CSMD1: variants seen among roughly 807,000 people sequenced by gnomAD.
CSMD1 encodes the protein CUB and sushi domain-containing protein 1.
In CSMD1, 213 loss-of-function variants were observed where a neutral mutation model predicts 417.5. That is an observed-to-expected ratio of 0.51 (90% CI 0.46 to 0.57). The LOEUF (loss-of-function observed/expected upper bound fraction) is 0.57. Among genes scored for constraint, CSMD1 ranks in the 20% least tolerant of loss-of-function variants. CSMD1 has a pLI of 0.00. For missense variants in CSMD1, 6,923 were observed against 4,529.7 expected, an observed-to-expected ratio of 1.53 and a Z score of -15.17; for synonymous variants, 2,862 against 1,736.8, an observed-to-expected ratio of 1.65 and a Z score of -16.11.
chr8:4,083,542 T>G (rs958956466), intron 3 of CSMD1, among the ~76,000 whole-genome samples: 1 of 152,126 alleles, frequency 6.6e-6, no homozygotes, highest in Non-Finnish European at 1.5e-5. Context: ...TGCCGCATAT[T>G]TACAACTGTC....
At chr8:3,223,475 C>G (rs988478396) in intron 28 of CSMD1, among the ~76,000 whole-genome samples, 3 of 152,146 alleles carry the variant, frequency 2.0e-5, no homozygotes, top group Admixed American at 6.5e-5. Flanking sequence ...TTTAAGCCTT[C>G]TCATATGGGA....
intron 5 of CSMD1, among the ~76,000 whole-genome samples, chr8:3,939,484 A>T (rs753938006): frequency 6.6e-6 from 1 of 152,218 alleles, no homozygotes; most frequent in Non-Finnish European, 1.5e-5. Context: ...TAGAACTACC[A>T]TGTGATTCAG....
intron 10 of CSMD1, among the ~76,000 whole-genome samples, chr8:3,573,852 T>C (rs1257481885): frequency 4.1e-5 from 6 of 147,922 alleles, no homozygotes; most frequent in East Asian, 2.0e-4. Context: ...CATAATTTAG[T>C]GAAATCCATA....
intron 2 of CSMD1, among the ~76,000 whole-genome samples, chr8:4,488,930 G>A (rs970047605): frequency 6.6e-6 from 1 of 151,902 alleles, no homozygotes; most frequent in African/African-American, 2.4e-5. Context: ...TTTTATTTTT[G>A]AGACTGAGTC....
chr8:4,042,358 G>C (rs912013641), intron 3 of CSMD1, among the ~76,000 whole-genome samples: 17 of 152,116 alleles, frequency 1.1e-4, no homozygotes, highest in African/African-American at 3.6e-4. Flanking sequence ...TCTTCAGAAA[G>C]AATGAAACCA....
intron 1 of CSMD1, among the ~76,000 whole-genome samples, chr8:4,886,597 A>G (rs1408763224): frequency 6.6e-6 from 1 of 151,928 alleles, no homozygotes; most frequent in Non-Finnish European, 1.5e-5. Flanking sequence ...ATTGTTTCAT[A>G]TAATTCAGCA....
At chr8:4,217,878 G>C (rs181678023) in intron 3 of CSMD1, among the ~76,000 whole-genome samples, 11 of 152,176 alleles carry the variant, frequency 7.2e-5, no homozygotes, top group African/African-American at 2.2e-4. Flanking sequence ...GGAAACATAA[G>C]AGGAGGTGGT....
At chr8:3,050,168 G>T (rs922804684) in intron 50 of CSMD1, among the ~76,000 whole-genome samples, 1 of 150,634 alleles carries the variant, frequency 6.6e-6, no homozygotes, top group Middle Eastern at 3.5e-3. Context: ...GAATCCCTAA[G>T]GGTCAAAACT....
chr8:2,938,777 C>T (rs1413106605), intron 69 of CSMD1, 33 bp from the exon 70 acceptor site: 2 of 1,566,566 alleles, frequency 1.3e-6, no homozygotes, highest in African/African-American at 2.7e-5. Flanking sequence ...CATTAGAATC[C>T]TGGTTTCATT....
At chr8:4,405,026 T>A (rs1804912039) in intron 3 of CSMD1, among the ~76,000 whole-genome samples, 1 of 152,248 alleles carries the variant, frequency 6.6e-6, no homozygotes, top group Non-Finnish European at 1.5e-5. Context: ...AACTGAGGTT[T>A]AAACTAGCAT....
chr8:4,128,295 C>T (rs192587552), intron 3 of CSMD1, among the ~76,000 whole-genome samples: 1 of 152,062 alleles, frequency 6.6e-6, no homozygotes, highest in South Asian at 2.1e-4. Context: ...TGAGAAGACT[C>T]GTGAATTACT....
intron 5 of CSMD1, among the ~76,000 whole-genome samples, chr8:3,794,943 G>C (rs911106728): frequency 6.6e-6 from 1 of 150,566 alleles, no homozygotes; most frequent in Non-Finnish European, 1.5e-5. Flanking sequence ...CTAATGTATA[G>C]CTATAGATAT....
At chr8:4,624,317 T>C (rs1345287478) in intron 2 of CSMD1, among the ~76,000 whole-genome samples, 3 of 152,064 alleles carry the variant, frequency 2.0e-5, no homozygotes, top group African/African-American at 7.2e-5. Flanking sequence ...TGCAGAAGAA[T>C]TCTTCGAGCT....
At chr8:3,560,671 C>T (rs1267559323) in intron 10 of CSMD1, among the ~76,000 whole-genome samples, 1 of 152,088 alleles carries the variant, frequency 6.6e-6, no homozygotes, top group Non-Finnish European at 1.5e-5. Flanking sequence ...CTTTTACTGT[C>T]TTCATGGAAA....
chr8:3,731,266 C>G (rs552356048), intron 6 of CSMD1, among the ~76,000 whole-genome samples: 15 of 152,184 alleles, frequency 9.9e-5, no homozygotes, highest in Non-Finnish European at 1.2e-4. Flanking sequence ...CTACATTGAC[C>G]AGCATTTATG....
chr8:3,865,814 G>T (rs570896944), intron 5 of CSMD1, among the ~76,000 whole-genome samples: 3 of 152,080 alleles, frequency 2.0e-5, no homozygotes, highest in Non-Finnish European at 4.4e-5. Context: ...TTGGTATACT[G>T]TAAATACCCT....
At chr8:4,965,858 G>C (rs917483005) in intron 1 of CSMD1, among the ~76,000 whole-genome samples, 1 of 152,072 alleles carries the variant, frequency 6.6e-6, no homozygotes, top group African/African-American at 2.4e-5. Context: ...GGATAAACAT[G>C]TTAAAATAAA....
intron 44 of CSMD1, 68 bp downstream of exon 44, chr8:3,108,535 G>A: frequency 6.6e-7 from 1 of 1,506,070 alleles, no homozygotes; most frequent in South Asian, 1.2e-5. Flanking sequence ...AACAAGGCGT[G>A]GGACAACACT....
chr8:4,879,407 A>C (rs1389601533), intron 1 of CSMD1, among the ~76,000 whole-genome samples: 2 of 152,124 alleles, frequency 1.3e-5, no homozygotes, highest in Admixed American at 1.3e-4. Context: ...TAGTGCAATG[A>C]ATTGATATGA....
Sources: allele counts gnomAD v4.1 joint callset (sites outside exome capture counted in the v4.1 genomes callset), GRCh38; gene constraint gnomAD v4.1.1; transcripts MANE v1.5; gene names NCBI Gene and HGNC (gene_info 2026-07-23, HGNC 2026-07-21).